The following FABP6 variants were observed in gnomAD, a reference collection of about 807,000 sequenced individuals.
FABP6 encodes the protein gastrotropin.
FABP6 carries 13 observed loss-of-function variants against 14.9 expected under a neutral mutation model. The ratio of observed to expected loss-of-function variants is 0.87; its 90% CI spans 0.57 to 1.39. FABP6 has a LOEUF of 1.39. Among genes scored for constraint, FABP6 ranks in the 40% most tolerant of loss-of-function variants. The pLI, the probability that FABP6 is intolerant of heterozygous loss-of-function variation, is 0.00. For synonymous variants in FABP6, 75 were observed against 63.6 expected (o/e 1.18, Z -0.85); for missense variants, 161 against 167.2 (o/e 0.96, Z 0.20).
intron 1 of FABP6, among the ~76,000 whole-genome samples, chr5:160,188,270 G>GT (rs1759328072): frequency 6.6e-6 from 1 of 152,130 alleles, no homozygotes; most frequent in African/African-American, 2.4e-5. Flanking sequence ...ACAAGCTCGA[G>GT]TTTCCTCAGC....
chr5:160,226,468 G>A (rs1760249229), upstream of FABP6, among the ~76,000 whole-genome samples: 2 of 151,820 alleles, frequency 1.3e-5, no homozygotes, highest in East Asian at 1.9e-4. Context: ...GGCTGAGGCA[G>A]GAGAATTGCT....
At chr5:160,190,292 G>A (rs1304487688) in intron 1 of FABP6, among the ~76,000 whole-genome samples, 1 of 152,138 alleles carries the variant, frequency 6.6e-6, no homozygotes, top group African/African-American at 2.4e-5. Context: ...GAATGCAATG[G>A]TGAGATCTCG....
intron 1 of FABP6, among the ~76,000 whole-genome samples, chr5:160,191,534 A>T (rs563856160): frequency 6.6e-6 from 1 of 151,940 alleles, no homozygotes; most frequent in South Asian, 2.1e-4. Flanking sequence ...CCATCTCTCT[A>T]CTGTGTTCCC....
chr5:160,190,514 G>A (rs1759374289), intron 1 of FABP6, among the ~76,000 whole-genome samples: 1 of 152,170 alleles, frequency 6.6e-6, no homozygotes, highest in Non-Finnish European at 1.5e-5. Context: ...TTACAGGTGT[G>A]AGCCACCACG....
At chr5:160,229,473 G>C (rs532044787), upstream of FABP6, 704 of 1,602,954 alleles carry the variant, frequency 4.4e-4, 5 homozygotes, top group African/African-American at 8.4e-3. Flanking sequence ...GCAACTGGGA[G>C]AGTTTATAAG....
rs1759571537 is a variant in FABP6, at chr5:160,198,988, A to G, written c.-58-61A>G. ...TAAAATGGATTGAATAGACAAATGAATGAACAATGAGATGGTCTCCAGAGC... is the reference window on the plus strand; with the variant it reads ...TAAAATGGATTGAATAGACAAATGAGTGAACAATGAGATGGTCTCCAGAGC... On this transcript the variant is annotated intron_variant, in intron 1 of 6. Coordinates refer to the FABP6 transcript ENST00000393980. The G allele has an allele frequency of 6.9e-6, 7 of 1,008,372 alleles. No individual in the cohort carries two copies. The South Asian group carries it at 9.2e-5, about 13-fold the overall frequency. The allele number at this position is 1,008,372 out of a possible 1,614,324, so 62.5% of individuals were successfully genotyped here.
intron 3 of FABP6, among the ~76,000 whole-genome samples, chr5:160,224,214 C>T (rs559166099): frequency 1.2e-3 from 186 of 150,874 alleles, no homozygotes; most frequent in African/African-American, 4.4e-3. Flanking sequence ...CCGGCCTGGG[C>T]GAAAGGGCGA....
In FABP6 at chr5:160,232,108, C is replaced by T. The variant is rs761500860; in HGVS notation, c.78C>T (p.Ser26=). The T allele has an allele frequency of 5.6e-6, 9 of 1,613,606 alleles. No individual in the cohort carries two copies. Among genetic ancestry groups the T allele is most frequent in the Admixed American group, 1.7e-5 (1 of 59,950 alleles). ...DEFMKLLGIS[S]DVIEKARNFK... ...TGTCCCCGGGTCCAGGGATCTCCAG[C>T]GATGTAATCGAAAAGGCCCGCAACT... The change falls in exon 2 of 4, where the codon AGC becomes AGT. Residue 26 remains serine, a synonymous_variant. Transcript: ENST00000402432.
intron 1 of FABP6, among the ~76,000 whole-genome samples, chr5:160,187,742 A>ATTAATTATTTATTTAT (rs1759314609): frequency 2.0e-5 from 3 of 150,680 alleles, no homozygotes; most frequent in African/African-American, 7.3e-5. Context: ...AATATTTGCT[A>ATTAATTATTTATTTAT]TTATTTATTT....
chr5:160,218,641 A>G (rs1760067502), intron 3 of FABP6, among the ~76,000 whole-genome samples: 1 of 149,766 alleles, frequency 6.7e-6, no homozygotes, highest in Non-Finnish European at 1.5e-5. Context: ...TTGTATTTTT[A>G]GTAGAGACGG....
At chr5:160,220,510 G>A (rs964704839) in intron 3 of FABP6, among the ~76,000 whole-genome samples, 12 of 151,986 alleles carry the variant, frequency 7.9e-5, no homozygotes, top group African/African-American at 2.2e-4. Flanking sequence ...TTGGGAGGCT[G>A]AGGCAGGAAG....
chr5:160,222,532 C>T (rs1373811729), intron 3 of FABP6, among the ~76,000 whole-genome samples: 4 of 152,158 alleles, frequency 2.6e-5, no homozygotes. Flanking sequence ...TGGGGTTCCG[C>T]CATGTTGGCC....
intron 3 of FABP6, among the ~76,000 whole-genome samples, chr5:160,221,168 C>T: frequency 6.6e-6 from 1 of 151,072 alleles, no homozygotes; most frequent in Non-Finnish European, 1.5e-5. Context: ...TAGAGATGCT[C>T]AGGTGATGTT....
At chr5:160,231,942 C>G (rs184639290) in intron 1 of FABP6, 156 bp from the exon 2 acceptor site, 1 of 740,998 alleles carries the variant, frequency 1.3e-6, no homozygotes, top group Non-Finnish European at 2.2e-6. Context: ...GCTCACAGCA[C>G]GTATTAGCTG....
At chr5:160,222,808 G>A (rs371979145) in intron 3 of FABP6, among the ~76,000 whole-genome samples, 14 of 152,324 alleles carry the variant, frequency 9.2e-5, no homozygotes, top group South Asian at 8.3e-4. Context: ...TAAGCTGGGT[G>A]TAAAGTAATT....
rs1760174439 is a variant in FABP6 at position 160,223,395 on chromosome 5, T to TCCCTCTC, written c.136-6151_136-6150insCCCTCTC. 1.4e-4 allele frequency among the ~76,000 whole-genome samples: 3 copies of TCCCTCTC among 20,698 alleles called. No homozygotes were observed. In the South Asian group the frequency reaches 3.8e-3, roughly 26 times the overall value. The allele number at this position is 20,698 out of a possible 152,430, so 13.6% of individuals were successfully genotyped here. The stretch of plus-strand genomic sequence containing the variant: ...CCTCCCTCCCTCCCTCTCTCCTTCC[T>TCCCTCTC]TCCTTCCTTCCTTCCTTCTTTCCTT... On this transcript the variant is annotated intron_variant, in intron 3 of 6. Transcript: ENST00000393980.
In FABP6 at chr5:160,232,090, G is replaced by T; in HGVS notation, c.68-8G>T. On this transcript the variant is annotated splice_polypyrimidine_tract_variant and splice_region_variant and intron_variant, in intron 1 of 3. Transcript: ENST00000402432. ...TTATATGGCTACTCTGCTTGTCCCC[G>T]GGTCCAGGGATCTCCAGCGATGTAA... 2.5e-6 allele frequency: 4 copies of T among 1,613,454 alleles called. No homozygotes were observed. The highest frequency in any genetic ancestry group is 3.4e-6 in the Non-Finnish European group (4 of 1,179,750).
chr5:160,238,623 C>A lies in FABP6; in HGVS notation c.351C>A (p.Gly117=), dbSNP rs764641980. The change falls in exon 4 of 4, where the codon GGC becomes GGA. Residue 117 remains glycine, a synonymous_variant. Coordinates refer to ENST00000402432, the MANE Select transcript of FABP6 (RefSeq NM_001445.3). ...DKLVEVSTIG[G]VTYERVSKRL... ...TCTTTCAGGTCTCCACCATCGGAGG[C>A]GTGACCTATGAGCGCGTGAGCAAGA... is the stretch of plus-strand genomic sequence containing the variant. 6.2e-7 allele frequency: 1 copy of A among 1,613,978 alleles called. No individual in the cohort carries two copies. The highest frequency in any genetic ancestry group is 2.2e-5 in the East Asian group (1 of 44,878).
chr5:160,210,636 T>G (rs1198251427), intron 2 of FABP6, among the ~76,000 whole-genome samples: 1 of 152,174 alleles, frequency 6.6e-6, no homozygotes, highest in Non-Finnish European at 1.5e-5. Context: ...CTCACCTTTG[T>G]AGAGCAGTGC....
Sources: allele counts gnomAD v4.1 joint callset (sites outside exome capture counted in the v4.1 genomes callset), GRCh38; gene constraint gnomAD v4.1.1; transcripts MANE v1.5; gene names NCBI Gene and HGNC (gene_info 2026-07-23, HGNC 2026-07-21).